Variants in STEAP2 observed in about 807,000 individuals in gnomAD.
STEAP2 encodes the protein STEAP2 metalloreductase, also known as metalloreductase STEAP2.
STEAP2 carries 30 observed loss-of-function variants against 46.4 expected under a neutral mutation model. That is an observed-to-expected ratio of 0.65 (90% CI 0.48 to 0.88). STEAP2 has a LOEUF of 0.88. Ranked by LOEUF, STEAP2 falls within the 40% of genes least tolerant of loss-of-function variation. The pLI, the probability that STEAP2 is intolerant of heterozygous loss-of-function variation, is 0.00. For synonymous variants in STEAP2, 180 were observed against 200.5 expected, an observed-to-expected ratio of 0.90 and a Z score of 0.86; for missense variants, 513 against 579.3, an observed-to-expected ratio of 0.89 and a Z score of 1.18.
In STEAP2 at chr7:90,233,080, G is replaced by A. The variant is rs1795827620; in HGVS notation, c.*456G>A. 1 of 984,284 alleles carries A rather than the reference G, an allele frequency of 1.0e-6. No homozygotes were observed. The highest frequency in any genetic ancestry group is 1.2e-6 in the Non-Finnish European group (1 of 828,970). The allele number at this position is 984,284 out of a possible 1,614,324, so 61.0% of individuals were successfully genotyped here. A position where few individuals can be genotyped will look rare whatever the true frequency, so the allele number is the denominator to read the frequency against. ...ATTATTATACATTTTTTTAAGAAAG[G>A]ACACGTTATGTTAGCATCTAGGTAA... is the stretch of plus-strand genomic sequence containing the variant. On this transcript the variant is annotated 3_prime_UTR_variant, in exon 6 of 6. Coordinates refer to ENST00000394621, the MANE Select transcript of STEAP2 (RefSeq NM_001244944.2).
At chr7:90,240,469 G>T (rs1796048323), downstream of STEAP2, among the ~76,000 whole-genome samples, 1 of 151,806 alleles carries the variant, frequency 6.6e-6, no homozygotes, top group African/African-American at 2.4e-5. The surrounding 1 kb of genome is among the most constrained non-coding windows in gnomAD (Gnocchi z 4.1). Flanking sequence ...AGAACATCTG[G>T]CATTAGAGAC....
In STEAP2 at chr7:90,232,753, G is replaced by A. The variant is rs922683259; in HGVS notation, c.*129G>A. ...AAACTTGTTAAATGAGATTTCAACT[G>A]ACTTAGTGATAGAGTTTTCTTCAAG... On this transcript the variant is annotated 3_prime_UTR_variant, in exon 6 of 6. Coordinates refer to ENST00000394621, the MANE Select transcript of STEAP2 (RefSeq NM_001244944.2). 1.5e-5 allele frequency: 20 copies of A among 1,352,396 alleles called. No individual in the cohort carries two copies. In the African/African-American group the frequency reaches 2.0e-4, roughly 14 times the overall value. The allele number at this position is 1,352,396 out of a possible 1,614,324, so 83.8% of individuals were successfully genotyped here. A position where few individuals can be genotyped will look rare whatever the true frequency, so the allele number is the denominator to read the frequency against.
intron 5 of STEAP2, 101 bp from the exon 6 acceptor site, chr7:90,232,236 T>C: frequency 7.5e-7 from 1 of 1,333,870 alleles, no homozygotes; most frequent in Non-Finnish European, 9.7e-7. Flanking sequence ...CAAAATAGTT[T>C]TATCAAAATA....
At chr7:90,229,816 C>T in intron 4 of STEAP2, 56 bp from the exon 5 acceptor site, 1 of 1,580,978 alleles carries the variant, frequency 6.3e-7, no homozygotes, top group Non-Finnish European at 8.6e-7. Flanking sequence ...GAACTCTGTG[C>T]TGAATCAGTT....
At chr7:90,222,320 A>G (rs1025324352) in intron 2 of STEAP2, among the ~76,000 whole-genome samples, 1 of 152,116 alleles carries the variant, frequency 6.6e-6, no homozygotes, top group Non-Finnish European at 1.5e-5. Flanking sequence ...AAAATAGTAA[A>G]TGTTCTTCTT....
chr7:90,238,132 T>TCTG (rs3036033), downstream of STEAP2: 320,659 of 706,638 alleles, frequency 0.45, 73,861 homozygotes, highest in Non-Finnish European at 0.5. Context: ...CTAAAGAGTT[T>TCTG]CTGCTGCTGC....
At chr7:90,219,088 A>G (rs554471509) in intron 2 of STEAP2, among the ~76,000 whole-genome samples, 1 of 151,710 alleles carries the variant, frequency 6.6e-6, no homozygotes, top group East Asian at 1.9e-4. Flanking sequence ...CAGCAAGTTC[A>G]TTGTTGGTGT....
At chr7:90,214,113 G>C (rs1794921364) in intron 1 of STEAP2, among the ~76,000 whole-genome samples, 1 of 152,212 alleles carries the variant, frequency 6.6e-6, no homozygotes, top group Non-Finnish European at 1.5e-5. Context: ...AAAGTAGGCT[G>C]ACCCATTAGG....
rs1795965675 is a variant in STEAP2, at chr7:90,236,524, T to C, written c.*3900T>C. ...CTGATGTACATTCAGGACAAATGAT[T>C]AGCCCTAAATGAAACTGTAATAATT... On this transcript the variant is annotated 3_prime_UTR_variant, in exon 6 of 6. Coordinates refer to ENST00000394621, the MANE Select transcript of STEAP2 (RefSeq NM_001244944.2). 2.0e-6 allele frequency: 2 copies of C among 1,023,876 alleles called. No homozygotes were observed. Among genetic ancestry groups the C allele is most frequent in the African/African-American group, 3.5e-5 (2 of 57,778 alleles). 63.4% of individuals were successfully genotyped at this position (1,023,876 alleles called of 1,614,324 possible).
At chr7:90,239,327 C>T (rs780162958), downstream of STEAP2, among the ~76,000 whole-genome samples, 79 of 152,238 alleles carry the variant, frequency 5.2e-4, no homozygotes, top group Non-Finnish European at 9.3e-4. Context: ...GAGATGAAAC[C>T]AATCCTGCCA....
chr7:90,217,039 A>G (rs1795053106), intron 2 of STEAP2, among the ~76,000 whole-genome samples: 2 of 152,204 alleles, frequency 1.3e-5, no homozygotes, highest in Non-Finnish European at 2.9e-5. Flanking sequence ...CAGGTCAGCA[A>G]TATTCAGGTC....
rs17866063 is a variant in STEAP2, at chr7:90,225,027, C to G, written c.-33-23C>G. 419 of 1,563,450 alleles carry G rather than the reference C, an allele frequency of 2.7e-4. 2 individuals carry two copies. Among genetic ancestry groups the G allele is most frequent in the Non-Finnish European group, 4.3e-6 (5 of 1,156,132 alleles). ...ATGTTCAGTAATAGGTAACTGATGA[C>G]CATTTTATTTTCTCTCCCCTAGGAT... is the stretch of plus-strand genomic sequence containing the variant. On this transcript the variant is annotated intron_variant, in intron 2 of 5. Coordinates refer to ENST00000394621, the MANE Select transcript of STEAP2 (RefSeq NM_001244944.2).
At position 90,235,488 on chromosome 7, in the gene STEAP2, T is replaced by C; in HGVS notation, c.*2864T>C. ...CAGAAGTAGGACTGAATTCTACTAT[T>C]GCTAGGTGTGAGAAAGTGGTGGTGA... On this transcript the variant is annotated 3_prime_UTR_variant, in exon 6 of 6. Coordinates refer to ENST00000394621, the MANE Select transcript of STEAP2 (RefSeq NM_001244944.2). 3.0e-6 allele frequency: 3 copies of C among 985,378 alleles called. No homozygotes were observed. The highest frequency in any genetic ancestry group is 3.6e-6 in the Non-Finnish European group (3 of 829,916). 61.0% of individuals were successfully genotyped at this position (985,378 alleles called of 1,614,324 possible). A position where few individuals can be genotyped will look rare whatever the true frequency, so the allele number is the denominator to read the frequency against.
At position 90,233,123 on chromosome 7, in the gene STEAP2, C is replaced by T; in HGVS notation, c.*499C>T. 1.0e-6 allele frequency: 1 copy of T among 984,928 alleles called. No individual in the cohort carries two copies. Among genetic ancestry groups the T allele is most frequent in the Non-Finnish European group, 1.2e-6 (1 of 829,672 alleles). The allele number at this position is 984,928 out of a possible 1,614,324, so 61.0% of individuals were successfully genotyped here. ...CTAGGTAAGGCTGCATGATAGCATTCCTATATTTCTCTCATAAAATAGGAT... is the reference window on the plus strand; with the variant it reads ...CTAGGTAAGGCTGCATGATAGCATTTCTATATTTCTCTCATAAAATAGGAT... On this transcript the variant is annotated 3_prime_UTR_variant, in exon 6 of 6. Coordinates refer to ENST00000394621, the MANE Select transcript of STEAP2 (RefSeq NM_001244944.2).
In STEAP2 at chr7:90,236,543, A is replaced by T; in HGVS notation, c.*3919A>T. 8 of 1,040,696 alleles carry T rather than the reference A, an allele frequency of 7.7e-6. No homozygotes were observed. The highest frequency in any genetic ancestry group is 9.3e-6 in the Non-Finnish European group (8 of 864,450). 64.5% of individuals were successfully genotyped at this position (1,040,696 alleles called of 1,614,324 possible). A position where few individuals can be genotyped will look rare whatever the true frequency, so the allele number is the denominator to read the frequency against. On this transcript the variant is annotated 3_prime_UTR_variant, in exon 6 of 6. Transcript: ENST00000394621. ...AATGATTAGCCCTAAATGAAACTGT[A>T]ATAATTTCAGTGGAAACTCAATCTG... is the stretch of plus-strand genomic sequence containing the variant.
chr7:90,230,460 T>G (rs1212296018), intron 5 of STEAP2, among the ~76,000 whole-genome samples: 1 of 151,984 alleles, frequency 6.6e-6, no homozygotes, highest in African/African-American at 2.4e-5. Flanking sequence ...GATGTCAATC[T>G]GAATATTTTA....
intron 2 of STEAP2, among the ~76,000 whole-genome samples, chr7:90,220,281 G>C (rs1022860351): frequency 6.6e-6 from 1 of 152,084 alleles, no homozygotes. Context: ...TCTTTGTTGG[G>C]AGTTTTTTAA....
In STEAP2 at chr7:90,227,189, T is replaced by G. The variant is rs769669542; in HGVS notation, c.711T>G (p.His237Gln). The G allele has an allele frequency of 2.5e-5, 40 of 1,613,724 alleles. No individual in the cohort carries two copies. In the East Asian group the frequency reaches 8.9e-4, roughly 36 times the overall value. Residue 237 changes from histidine to glutamine, a missense_variant, in exon 4 of 6, where the codon CAT becomes CAG. Physicochemically the swap from His to Gln is conservative, Grantham distance 24. Transcript: ENST00000394621. ...FLYSFVRDVIHPYARNQQSDF... is the reference protein window; with the variant it reads ...FLYSFVRDVIQPYARNQQSDF... ...ATTCCTTTGTCAGAGATGTGATTCA[T>G]CCATATGCTAGAAACCAACAGAGTG...
In STEAP2 at chr7:90,235,060, C is replaced by T. The variant is rs1017321033; in HGVS notation, c.*2436C>T. 19 of 949,748 alleles carry T rather than the reference C, an allele frequency of 2.0e-5. No homozygotes were observed. Among genetic ancestry groups the T allele is most frequent in the Non-Finnish European group, 2.4e-5 (19 of 797,334 alleles). 58.8% of individuals were successfully genotyped at this position (949,748 alleles called of 1,614,324 possible). On this transcript the variant is annotated 3_prime_UTR_variant, in exon 6 of 6. Transcript: ENST00000394621. ...TTCCTTAAATTCCACTCTTTTAACA[C>T]TATGCTTAACCACTTAATGTGATGA...
Sources: gnomAD v4.1 joint callset for allele counts (sites outside exome capture counted in the v4.1 genomes callset) on GRCh38, gnomAD v4.1.1 for gene constraint, Gnocchi (gnomAD v3.1) non-coding constraint, MANE v1.5 for transcripts, NCBI Gene and HGNC (gene_info 2026-07-23, HGNC 2026-07-21) for gene names.